The following TTC39C variants were observed in gnomAD, a reference collection of about 807,000 sequenced individuals.
The protein encoded by TTC39C is tetratricopeptide repeat domain 39C.
TTC39C carries 33 observed loss-of-function variants against 76.3 expected under a neutral mutation model. That is an observed-to-expected ratio of 0.43 (90% CI 0.33 to 0.58). The LOEUF is 0.58. Ranked by LOEUF, TTC39C falls within the 20% of genes least tolerant of loss-of-function variation. TTC39C has a pLI of 0.04. For synonymous variants in TTC39C, 254 were observed against 260.6 expected (o/e 0.97, Z 0.24); for missense variants, 595 against 701.4 (o/e 0.85, Z 1.71).
chr18:24,077,874 T>TA lies in TTC39C; in HGVS notation c.461-2706dup, dbSNP rs769704297. On this transcript the variant is annotated intron_variant, in intron 4 of 13. Transcript: ENST00000317571. Reference sequence around the variant, plus strand: ...GACATGCTGGATCAATCCAGACACTTAAAAATCCACTTTGTTAGTATAAAA... The same window carrying TA: ...GACATGCTGGATCAATCCAGACACTTAAAAAATCCACTTTGTTAGTATAAAA... Among the ~76,000 whole-genome samples, 98 of 152,324 alleles carry TA rather than the reference T, an allele frequency of 6.4e-4. No individual in the cohort carries two copies. In the Middle Eastern group the frequency reaches 0.014, roughly 21 times the overall value.
intron 3 of TTC39C, among the ~76,000 whole-genome samples, chr18:24,066,713 G>A (rs926553819): frequency 2.0e-5 from 3 of 152,186 alleles, no homozygotes; most frequent in African/African-American, 7.2e-5. Context: ...GTCATCAGAA[G>A]CCACCTGTCT....
intron 1 of TTC39C, among the ~76,000 whole-genome samples, chr18:24,045,425 T>A (rs2083856017): frequency 6.6e-6 from 1 of 152,174 alleles, no homozygotes; most frequent in African/African-American, 2.4e-5. Flanking sequence ...AATAAAATTA[T>A]AACTTAAAAT....
At chr18:24,090,797 CTTTTTTTTT>C (rs1218689781) in intron 6 of TTC39C, among the ~76,000 whole-genome samples, 14 of 79,526 alleles carry the variant, frequency 1.8e-4, no homozygotes, top group African/African-American at 6.2e-4. Context: ...GATTAATTTA[CTTTTTTTTT>C]TTTTTTTTTT....
chr18:24,131,211 A>AC (rs2085125331), intron 12 of TTC39C, among the ~76,000 whole-genome samples: 1 of 148,954 alleles, frequency 6.7e-6, no homozygotes, highest in South Asian at 2.1e-4. Flanking sequence ...CCTGTCTCAA[A>AC]AAAAAAAAAA....
chr18:24,045,504 C>T (rs2083857458), intron 1 of TTC39C, among the ~76,000 whole-genome samples: 1 of 151,936 alleles, frequency 6.6e-6, no homozygotes, highest in Non-Finnish European at 1.5e-5. Flanking sequence ...TTTAAAAGTG[C>T]TTATATGATT....
In TTC39C at chr18:24,114,540, C is replaced by T. The variant is rs2084867087; in HGVS notation, c.985-14C>T. ...AGATCTTAGCTGGTAATTCTGTTTT[C>T]CTTTTCTCCTTAGTGTCAAATCAAC... On this transcript the variant is annotated splice_polypyrimidine_tract_variant and intron_variant, in intron 6 of 13. Transcript: ENST00000317571. The T allele has an allele frequency of 1.2e-6, 2 of 1,603,324 alleles. No homozygotes were observed. The highest frequency in any genetic ancestry group is 4.5e-5 in the East Asian group (2 of 44,786).
intron 6 of TTC39C, chr18:24,114,300 G>C: frequency 9.3e-6 from 3 of 320,920 alleles, no homozygotes; most frequent in Non-Finnish European, 1.7e-5. Flanking sequence ...GCAAAGGAGA[G>C]AACGCTGGAG....
In TTC39C at chr18:24,125,559, T is replaced by C; in HGVS notation, c.1420+9T>C. ...GCAGAGGATGAGTCAAGGTAAAAAATTTAAAAAAACCCAAAACTGTCTACT... is the reference window on the plus strand; with the variant it reads ...GCAGAGGATGAGTCAAGGTAAAAAACTTAAAAAAACCCAAAACTGTCTACT... On this transcript the variant is annotated intron_variant, in intron 10 of 13. Coordinates refer to ENST00000317571, the MANE Select transcript of TTC39C (RefSeq NM_001135993.2). 3 of 1,613,824 alleles carry C rather than the reference T, an allele frequency of 1.9e-6. No individual in the cohort carries two copies. The highest frequency in any genetic ancestry group is 2.5e-6 in the Non-Finnish European group (3 of 1,179,920).
At chr18:24,049,886 C>T (rs893528159) in intron 1 of TTC39C, among the ~76,000 whole-genome samples, 3 of 152,196 alleles carry the variant, frequency 2.0e-5, no homozygotes, top group African/African-American at 7.2e-5. Context: ...TATGTTGCTA[C>T]TTTCTCTCTT....
chr18:24,079,268 G>A (rs2084346385), intron 4 of TTC39C, among the ~76,000 whole-genome samples: 2 of 152,176 alleles, frequency 1.3e-5, no homozygotes, highest in African/African-American at 4.8e-5. Context: ...CACTCAGATA[G>A]TCCTATGTAA....
intron 8 of TTC39C, 67 bp from the exon 9 acceptor site, chr18:24,123,767 C>T: frequency 8.8e-7 from 1 of 1,135,582 alleles, no homozygotes; most frequent in Non-Finnish European, 1.3e-6. Context: ...AGTATCATCA[C>T]TTCAGGTATC....
chr18:24,035,118 G>A (rs907354586), intron 1 of TTC39C, among the ~76,000 whole-genome samples: 2 of 151,970 alleles, frequency 1.3e-5, no homozygotes, highest in Non-Finnish European at 2.9e-5. Flanking sequence ...AGAGATCAGT[G>A]TAACCTTAAA....
In TTC39C at chr18:24,069,367, C is replaced by A. The variant is rs147557023; in HGVS notation, c.460+96C>A. On this transcript the variant is annotated intron_variant, in intron 4 of 13. Transcript: ENST00000317571. Reference sequence around the variant, plus strand: ...AATGCCTTATATTTCAGTCTTTGAACACATGTGGCACCTCTTTGGGGCATG... The same window carrying A: ...AATGCCTTATATTTCAGTCTTTGAAAACATGTGGCACCTCTTTGGGGCATG... 1.4e-3 allele frequency: 1,398 copies of A among 972,214 alleles called. 13 individuals carry two copies. In the African/African-American group the frequency reaches 0.019, roughly 13 times the overall value. 60.2% of individuals were successfully genotyped at this position (972,214 alleles called of 1,614,324 possible).
chr18:24,130,254 A>G (rs1318241300), intron 11 of TTC39C, 59 bp from the exon 12 acceptor site: 2 of 908,072 alleles, frequency 2.2e-6, no homozygotes, highest in African/African-American at 1.8e-5. Flanking sequence ...GAAGATTATA[A>G]TAAGCCTTAT....
At chr18:24,007,503 C>T (rs918195580) in intron 1 of TTC39C, among the ~76,000 whole-genome samples, 23 of 152,140 alleles carry the variant, frequency 1.5e-4, no homozygotes, top group African/African-American at 4.6e-4. Context: ...CCTGCCTCAG[C>T]CTCCTGATAA....
chr18:24,076,651 G>A (rs2084311504), intron 4 of TTC39C: 1 of 152,058 alleles, frequency 6.6e-6, no homozygotes, highest in African/African-American at 2.4e-5. Context: ...GACGCAGAAT[G>A]TAGTAAAAGC....
intron 4 of TTC39C, among the ~76,000 whole-genome samples, chr18:24,070,733 C>T (rs140518340): frequency 0.04 from 6,005 of 151,642 alleles, 141 homozygotes; most frequent in Admixed American, 0.07. Context: ...ATCCCAGCTA[C>T]TTGGGAGGCT....
intron 1 of TTC39C, among the ~76,000 whole-genome samples, chr18:24,061,237 T>TA (rs1568423055): frequency 6.7e-6 from 1 of 149,332 alleles, no homozygotes; most frequent in South Asian, 2.1e-4. Flanking sequence ...TTTTTTTTTT[T>TA]TTAAAAAAAT....
At chr18:24,113,928 C>T (rs4595868) in intron 6 of TTC39C, 98,675 of 487,354 alleles carry the variant, frequency 0.2, 10,291 homozygotes, top group Admixed American at 0.27. Flanking sequence ...TCTGAAGTGT[C>T]GGGAGAGGAG....
Sources: allele counts gnomAD v4.1 joint callset (sites outside exome capture counted in the v4.1 genomes callset), GRCh38; gene constraint gnomAD v4.1.1; transcripts MANE v1.5; gene names NCBI Gene and HGNC (gene_info 2026-07-23, HGNC 2026-07-21).